SCAPER: variants seen among roughly 807,000 people sequenced by gnomAD.
The protein encoded by SCAPER is S-phase cyclin A associated protein in the ER.
Under a neutral mutation model 182.2 loss-of-function variants are expected in SCAPER, and 98 were observed. The observed-to-expected ratio is 0.54, with a 90% CI of 0.46 to 0.64. SCAPER has a LOEUF of 0.64. SCAPER is among the 30% of genes least tolerant of loss of function. The pLI is 0.00. For missense variants in SCAPER, 1,432 were observed against 1,690.0 expected (o/e 0.85, Z 2.68); for synonymous variants, 605 against 564.6 (o/e 1.07, Z -1.01).
chr15:76,352,348 ATC>A (rs2040615486), intron 30 of SCAPER, among the ~76,000 whole-genome samples: 2 of 151,508 alleles, frequency 1.3e-5, no homozygotes, highest in Admixed American at 6.6e-5. Context: ...AGGAATTTTT[ATC>A]TGTTTTATTT....
intron 14 of SCAPER, among the ~76,000 whole-genome samples, chr15:76,761,090 A>G (rs1220147083): frequency 1.3e-5 from 2 of 151,976 alleles, no homozygotes. Flanking sequence ...GTTGGGTTGT[A>G]TATTTCTAGG....
chr15:76,452,971 C>G (rs1435378389), intron 25 of SCAPER, among the ~76,000 whole-genome samples: 4 of 152,050 alleles, frequency 2.6e-5, no homozygotes, highest in Non-Finnish European at 5.9e-5. Flanking sequence ...GCTGGGATTA[C>G]GGGTGTGTGC....
At chr15:76,471,371 G>T (rs755358615) in intron 24 of SCAPER, 36 bp from the exon 25 acceptor site, 65 of 1,573,182 alleles carry the variant, frequency 4.1e-5, no homozygotes, top group Middle Eastern at 3.4e-4. Flanking sequence ...TATAAAACCC[G>T]AGCAGCTCTT....
intron 21 of SCAPER, among the ~76,000 whole-genome samples, chr15:76,664,861 AGATTGATCATTATCTAAACACT>A (rs1359807009): frequency 1.3e-5 from 2 of 152,212 alleles, no homozygotes; most frequent in Admixed American, 1.3e-4. Flanking sequence ...ATAGACACCT[AGATTGATCATTATCTAAACACT>A]GAAACTACAG....
intron 8 of SCAPER, among the ~76,000 whole-genome samples, chr15:76,777,463 C>T (rs940080966): frequency 1.3e-5 from 2 of 152,154 alleles, no homozygotes; most frequent in East Asian, 3.9e-4. Flanking sequence ...CTTTAGGAGG[C>T]CAAGGGGGGT....
At chr15:76,668,961 A>G (rs908450060) in intron 20 of SCAPER, among the ~76,000 whole-genome samples, 9 of 152,218 alleles carry the variant, frequency 5.9e-5, no homozygotes, top group Non-Finnish European at 2.9e-5. Flanking sequence ...TAGAAGGTAT[A>G]TATTTTTATT....
At position 76,753,817 on chromosome 15, in the gene SCAPER, T is replaced by C; in HGVS notation, c.1857A>G (p.Glu619=). 6.2e-7 allele frequency: 1 copy of C among 1,612,560 alleles called. No individual in the cohort carries two copies. The highest frequency in any genetic ancestry group is 8.5e-7 in the Non-Finnish European group (1 of 1,179,054). The change falls in exon 15 of 32, where the codon GAA becomes GAG. Residue 619 remains glutamate, a synonymous_variant. Coordinates refer to ENST00000563290, the MANE Select transcript of SCAPER (RefSeq NM_020843.4). Reference sequence around the variant, plus strand: ...AGCTCTTATGATATACCTTAGCTTCTTCTTCTTGTGCTTTTTTCACAATTG... The same window carrying C: ...AGCTCTTATGATATACCTTAGCTTCCTCTTCTTGTGCTTTTTTCACAATTG... The part of the protein sequence containing the change: ...LQAIVKKAQE[E]EAKVNEIAFI...
chr15:76,766,780 T>G, intron 11 of SCAPER, 138 bp downstream of exon 11: 1 of 671,334 alleles, frequency 1.5e-6, no homozygotes, highest in Non-Finnish European at 2.4e-6. Context: ...CTGAGAATAA[T>G]AGTTATGATT....
intron 23 of SCAPER, among the ~76,000 whole-genome samples, chr15:76,539,879 C>A (rs1055436932): frequency 1.3e-5 from 2 of 152,094 alleles, no homozygotes; most frequent in African/African-American, 4.8e-5. Context: ...TTCAGTAAAT[C>A]TATCCTGGAA....
At chr15:76,460,021 C>A in intron 25 of SCAPER, among the ~76,000 whole-genome samples, 1 of 152,032 alleles carries the variant, frequency 6.6e-6, no homozygotes, top group Non-Finnish European at 1.5e-5. Flanking sequence ...TCTCTTCCAT[C>A]GATCTGTATG....
At chr15:76,732,249 G>A (rs2060960783) in intron 16 of SCAPER, among the ~76,000 whole-genome samples, 1 of 151,986 alleles carries the variant, frequency 6.6e-6, no homozygotes, top group African/African-American at 2.4e-5. Context: ...GAGACCGAGG[G>A]CATGAGCTGT....
intron 23 of SCAPER, among the ~76,000 whole-genome samples, chr15:76,522,505 C>T (rs2042909863): frequency 6.6e-6 from 1 of 152,138 alleles, no homozygotes; most frequent in Non-Finnish European, 1.5e-5. Context: ...TTTGCACCTA[C>T]AGCTTGTAGC....
chr15:76,470,519 C>T (rs2050063718), intron 25 of SCAPER, among the ~76,000 whole-genome samples: 1 of 152,114 alleles, frequency 6.6e-6, no homozygotes, highest in South Asian at 2.1e-4. Context: ...TACATTGGTT[C>T]TGAAAAATAA....
rs377490771 is a variant in SCAPER, at chr15:76,500,549, C to T, written c.2954+4310G>A. On this transcript the variant is annotated intron_variant, in intron 24 of 31. Coordinates refer to ENST00000563290, the MANE Select transcript of SCAPER (RefSeq NM_020843.4). ...CCTCTCACTTTAATTACCATTGCTA[C>T]TAAGTACATATACTACAAACTGGCA... is the stretch of plus-strand genomic sequence containing the variant. Among the ~76,000 whole-genome samples, 10 of 152,272 alleles carry T rather than the reference C, an allele frequency of 6.6e-5. No individual in the cohort carries two copies. The East Asian group carries it at 1.7e-3, about 26-fold the overall frequency.
At chr15:76,605,299 G>A (rs890885558) in intron 22 of SCAPER, among the ~76,000 whole-genome samples, 4 of 152,000 alleles carry the variant, frequency 2.6e-5, no homozygotes, top group Non-Finnish European at 5.9e-5. Flanking sequence ...TTTTGTCTTT[G>A]GTTCTGTTTA....
intron 22 of SCAPER, among the ~76,000 whole-genome samples, chr15:76,593,391 C>G (rs2049271486): frequency 8.3e-6 from 1 of 121,118 alleles, no homozygotes; most frequent in Admixed American, 9.3e-5. Context: ...GCTGTGGGCA[C>G]AGCTTCAGGA....
At chr15:76,381,298 G>T in intron 28 of SCAPER, 80 bp downstream of exon 28, 1 of 1,143,104 alleles carries the variant, frequency 8.7e-7, no homozygotes, top group Non-Finnish European at 1.3e-6. Flanking sequence ...CCCCAATTCA[G>T]GAGAAGAATC....
intron 21 of SCAPER, among the ~76,000 whole-genome samples, chr15:76,629,649 G>A (rs904153279): frequency 1.3e-5 from 2 of 152,204 alleles, no homozygotes; most frequent in Non-Finnish European, 2.9e-5. Flanking sequence ...ATGTGCTGCT[G>A]TATTCAGTTT....
chr15:76,464,786 T>C lies in SCAPER; in HGVS notation c.3078+6426A>G, dbSNP rs1193149721. On this transcript the variant is annotated intron_variant, in intron 25 of 31. Transcript: ENST00000563290. ...ACCCAGAAGCAGGATTGATGAATCA[T>C]ATGGTAGTTCTCTTTTTAATTTTTT... is the stretch of plus-strand genomic sequence containing the variant. 3.3e-5 allele frequency among the ~76,000 whole-genome samples: 5 copies of C among 152,194 alleles called. No individual in the cohort carries two copies. In the South Asian group the frequency reaches 1.0e-3, roughly 31 times the overall value.
Sources: allele counts gnomAD v4.1 joint callset (sites outside exome capture counted in the v4.1 genomes callset), GRCh38; gene constraint gnomAD v4.1.1; transcripts MANE v1.5; gene names NCBI Gene and HGNC (gene_info 2026-07-23, HGNC 2026-07-21).